Variants in ADAMTSL1 observed in about 807,000 individuals in gnomAD.
ADAMTSL1 encodes ADAMTS like 1.
Under a neutral mutation model 201.8 loss-of-function variants are expected in ADAMTSL1, and 126 were observed. The ratio of observed to expected loss-of-function variants is 0.62; its 90% CI spans 0.54 to 0.72. The LOEUF is 0.72. Among genes scored for constraint, ADAMTSL1 ranks in the 30% least tolerant of loss-of-function variants. The pLI, the probability that ADAMTSL1 is intolerant of heterozygous loss-of-function variation, is 0.00. For synonymous variants in ADAMTSL1, 1,121 were observed against 903.4 expected (o/e 1.24, Z -4.32); for missense variants, 2,679 against 2,277.8 (o/e 1.18, Z -3.59).
At chr9:18,100,820 A>G (rs1440218486) in intron 1 of ADAMTSL1, among the ~76,000 whole-genome samples, 1 of 152,172 alleles carries the variant, frequency 6.6e-6, no homozygotes, top group Admixed American at 6.5e-5. Context: ...TTTCAGTATC[A>G]GCTTCTGTTC....
At chr9:18,894,837 G>A (rs570533575) in intron 26 of ADAMTSL1, among the ~76,000 whole-genome samples, 5 of 152,130 alleles carry the variant, frequency 3.3e-5, no homozygotes, top group East Asian at 1.9e-4. Context: ...ATCAGATTAA[G>A]AAAAGGCACA....
At chr9:17,908,492 C>G (rs201248567) in intron 1 of ADAMTSL1, among the ~76,000 whole-genome samples, 4 of 151,896 alleles carry the variant, frequency 2.6e-5, no homozygotes, top group Middle Eastern at 3.4e-3. Flanking sequence ...GTTTCACTCT[C>G]GTTGCCCAGG....
chr9:18,473,957 G>T (rs369624867), upstream of ADAMTSL1: 3 of 390,874 alleles, frequency 7.7e-6, no homozygotes, highest in Admixed American at 4.4e-5. Flanking sequence ...TTTTTTGCTC[G>T]CACCGTTACA....
At chr9:18,648,503 C>T (rs1827971991) in intron 7 of ADAMTSL1, among the ~76,000 whole-genome samples, 1 of 151,994 alleles carries the variant, frequency 6.6e-6, no homozygotes, top group Admixed American at 6.6e-5. Context: ...TACATTTTGG[C>T]ATGATTTTGC....
At chr9:18,272,785 T>A (rs1160434323) in intron 2 of ADAMTSL1, among the ~76,000 whole-genome samples, 2 of 152,218 alleles carry the variant, frequency 1.3e-5, no homozygotes, top group African/African-American at 4.8e-5. Flanking sequence ...TTAACCATTT[T>A]TTCCACTCAA....
intron 22 of ADAMTSL1, among the ~76,000 whole-genome samples, chr9:18,829,389 T>C (rs1824832336): frequency 6.6e-6 from 1 of 152,198 alleles, no homozygotes; most frequent in African/African-American, 2.4e-5. Context: ...ATTCCCGTGG[T>C]GTTTATCTGT....
chr9:17,937,727 C>T (rs944291930), intron 1 of ADAMTSL1, among the ~76,000 whole-genome samples: 3 of 152,146 alleles, frequency 2.0e-5, no homozygotes, highest in African/African-American at 7.2e-5. Flanking sequence ...TCATCTCTCT[C>T]TTGCTTAAAA....
At chr9:18,162,548 T>A (rs552405447) in intron 1 of ADAMTSL1, among the ~76,000 whole-genome samples, 43 of 152,142 alleles carry the variant, frequency 2.8e-4, no homozygotes, top group African/African-American at 1.0e-3. Flanking sequence ...AAGACCTTTT[T>A]GTCTTGGTAT....
intron 2 of ADAMTSL1, among the ~76,000 whole-genome samples, chr9:18,242,682 T>C (rs1831116187): frequency 6.6e-6 from 1 of 152,102 alleles, no homozygotes; most frequent in South Asian, 2.1e-4. Flanking sequence ...GAAATCAACA[T>C]ATAAAAATCA....
intron 1 of ADAMTSL1, among the ~76,000 whole-genome samples, chr9:18,133,824 T>A (rs532305817): frequency 9.9e-5 from 15 of 152,194 alleles, no homozygotes; most frequent in Admixed American, 3.9e-4. Context: ...TAAAATATTT[T>A]AAAAAAACTA....
chr9:18,450,348 C>A (rs577132613), intron 2 of ADAMTSL1, among the ~76,000 whole-genome samples: 14 of 152,144 alleles, frequency 9.2e-5, no homozygotes, highest in Non-Finnish European at 1.8e-4. Context: ...TTACTGTATT[C>A]AACTTATACC....
chr9:17,981,505 T>A (rs1818693828), intron 1 of ADAMTSL1, among the ~76,000 whole-genome samples: 1 of 152,248 alleles, frequency 6.6e-6, no homozygotes, highest in African/African-American at 2.4e-5. Context: ...CCTGTGTGTC[T>A]TATTAATTTT....
chr9:18,224,961 G>A (rs1442021370), intron 2 of ADAMTSL1, among the ~76,000 whole-genome samples: 1 of 151,848 alleles, frequency 6.6e-6, no homozygotes, highest in Non-Finnish European at 1.5e-5. Context: ...CTCATTATCA[G>A]CATCTTCATG....
intron 1 of ADAMTSL1, among the ~76,000 whole-genome samples, chr9:18,131,242 T>C (rs1825937777): frequency 6.6e-6 from 1 of 152,218 alleles, no homozygotes; most frequent in Non-Finnish European, 1.5e-5. Context: ...TTTAACTTTT[T>C]GTGCCACATT....
intron 20 of ADAMTSL1, among the ~76,000 whole-genome samples, chr9:18,798,446 G>A (rs1822569819): frequency 6.6e-6 from 1 of 152,200 alleles, no homozygotes; most frequent in Non-Finnish European, 1.5e-5. Context: ...GTTTATAATT[G>A]TGGCTGGCAT....
chr9:18,476,605 G>A (rs1821466030), intron 1 of ADAMTSL1, among the ~76,000 whole-genome samples: 1 of 152,166 alleles, frequency 6.6e-6, no homozygotes. Flanking sequence ...TAGAAGTGTG[G>A]CATCATCAGC....
intron 1 of ADAMTSL1, among the ~76,000 whole-genome samples, chr9:17,978,632 G>A (rs772301861): frequency 6.6e-6 from 1 of 151,894 alleles, no homozygotes; most frequent in Admixed American, 6.6e-5. Context: ...TAAATATGAT[G>A]TACTCATTAA....
At chr9:18,305,869 C>G (rs1833889092) in intron 2 of ADAMTSL1, among the ~76,000 whole-genome samples, 1 of 152,148 alleles carries the variant, frequency 6.6e-6, no homozygotes, top group Admixed American at 6.5e-5. Context: ...AAGAGACAGA[C>G]TGCCTCCTCA....
intron 2 of ADAMTSL1, among the ~76,000 whole-genome samples, chr9:18,441,645 C>T (rs572154106): frequency 1.6e-4 from 24 of 152,102 alleles, no homozygotes; most frequent in African/African-American, 5.8e-4. Context: ...TGGCATGATG[C>T]CTCTTCAAAG....
Sources: allele counts gnomAD v4.1 joint callset (sites outside exome capture counted in the v4.1 genomes callset), GRCh38; gene constraint gnomAD v4.1.1; transcripts MANE v1.5; gene names NCBI Gene and HGNC (gene_info 2026-07-23, HGNC 2026-07-21).